Variants in RIOX1 observed in about 807,000 individuals in gnomAD.
RIOX1 encodes ribosomal oxygenase 1, also known as 60S ribosomal protein L8 histidine hydroxylase.
Under a neutral mutation model 44.6 loss-of-function variants are expected in RIOX1, and 33 were observed. The observed-to-expected ratio is 0.74, with a 90% CI of 0.56 to 0.99. The LOEUF is 0.99. RIOX1 is among the 50% of genes least tolerant of loss of function. RIOX1 has a pLI of 0.00. For missense variants in RIOX1, 821 were observed against 871.7 expected (o/e 0.94, Z 0.73); for synonymous variants, 387 against 395.8 (o/e 0.98, Z 0.26).
rs760921243 is a variant in RIOX1, at chr14:73,492,161, C to T, written c.1144C>T (p.Leu382Phe). The T allele has an allele frequency of 6.2e-7, 1 of 1,613,976 alleles. No individual in the cohort carries two copies. Among genetic ancestry groups the T allele is most frequent in the Non-Finnish European group, 8.5e-7 (1 of 1,179,890 alleles). The change falls in exon 1 of 1, where the codon CTC becomes TTC. Residue 382 changes from leucine (L) to phenylalanine (F), a missense_variant. Transcript: ENST00000304061. The surrounding 1 kb of genome is among the most constrained non-coding windows in gnomAD (Gnocchi z 4.9). ...TSSPNFSQDD[L>F]GEPVLQTVLE... ...CAGCCCCAACTTCAGTCAGGACGACCTCGGTGAGCCGGTGCTGCAGACCGT... is the reference window on the plus strand; with the variant it reads ...CAGCCCCAACTTCAGTCAGGACGACTTCGGTGAGCCGGTGCTGCAGACCGT...
Position 73,492,615 on chromosome 14 carries a change from G to C in RIOX1, c.1598G>C (p.Gly533Ala). ...VYGLPIRWEA[G>A]EPVNVGAQLT... ...GGGCTTCCAATTCGCTGGGAGGCTG[G>C]AGAACCTGTAAACGTGGGGGCCCAG... Residue 533 changes from glycine to alanine, a missense_variant, in exon 1 of 1, where the codon GGA (glycine) becomes GCA (alanine). Gly to Ala is a moderately conservative substitution (Grantham distance 60, BLOSUM62 0). This residue lies in a region of RIOX1 where 267 missense variants were observed against 340.5 expected (regional missense o/e 0.78). Transcript: ENST00000304061. The surrounding 1 kb of genome is among the most constrained non-coding windows in gnomAD (Gnocchi z 4.9). The C allele has an allele frequency of 6.2e-7, 1 of 1,613,938 alleles. No individual in the cohort carries two copies. Among genetic ancestry groups the C allele is most frequent in the Non-Finnish European group, 8.5e-7 (1 of 1,179,876 alleles).
chr14:73,492,999 C>CTA lies in RIOX1; in HGVS notation c.*57_*58insAT. The CTA allele has an allele frequency of 6.8e-7, 1 of 1,460,246 alleles. No homozygotes were observed. The highest frequency in any genetic ancestry group is 9.1e-7 in the Non-Finnish European group (1 of 1,093,628). 90.5% of individuals were successfully genotyped at this position (1,460,246 alleles called of 1,614,324 possible). On this transcript the variant is annotated 3_prime_UTR_variant, in exon 1 of 1. Transcript: ENST00000304061. The surrounding 1 kb of genome is among the most constrained non-coding windows in gnomAD (Gnocchi z 4.9). ...AGTGATTCTCCGCTGCCACTGCTAC[C>CTA]TTTTTTTTTTTTTTTTCCTTAAACT...
Position 73,491,803 on chromosome 14 carries a change from G to A in RIOX1, c.786G>A (p.Leu262=), listed in dbSNP as rs1885769890. The A allele has an allele frequency of 4.4e-6, 7 of 1,597,514 alleles. No individual in the cohort carries two copies. The East Asian group carries it at 1.4e-4, about 31-fold the overall frequency. ...AGGAGGTGCAGTTCGGCCAGCATTT[G>A]GACGCCGCTCGCTACATCAACGGAC... ...RNEEVQFGQH[L]DAARYINGRR... The change falls in exon 1 of 1, where the codon TTG becomes TTA. Residue 262 remains leucine, a synonymous_variant. Coordinates refer to ENST00000304061, the MANE Select transcript of RIOX1 (RefSeq NM_024644.5).
Position 73,491,764 on chromosome 14 carries a change from G to A in RIOX1, c.747G>A (p.Ser249=), listed in dbSNP as rs1885767324. The change falls in exon 1 of 1, where the codon TCG becomes TCA. Residue 249 remains serine (S), a synonymous_variant. Transcript: ENST00000304061. The part of the protein sequence containing the change: ...QGLFSTADLD[S]MLRNEEVQFG... ...TTTTCTCTACCGCTGACCTGGATTC[G>A]ATGCTGCGCAACGAGGAGGTGCAGT... The A allele has an allele frequency of 6.4e-7, 1 of 1,566,188 alleles. No homozygotes were observed. The highest frequency in any genetic ancestry group is 1.4e-5 in the African/African-American group (1 of 73,536).
Position 73,492,104 on chromosome 14 carries a change from C to G in RIOX1, c.1087C>G (p.Arg363Gly). Residue 363 changes from arginine to glycine, a missense_variant, in exon 1 of 1, where the codon CGA becomes GGA. Around this residue, in one of 2 missense-constraint regions of RIOX1, gnomAD observed 554 missense variants for 531.2 expected, o/e 1.04. Coordinates refer to ENST00000304061, the MANE Select transcript of RIOX1 (RefSeq NM_024644.5). The surrounding 1 kb of genome is among the most constrained non-coding windows in gnomAD (Gnocchi z 4.9). ...GRKLWRVYRP[R>G]VPTEELALTS... is the part of the protein sequence containing the mutation. ...GAAACTCTGGCGTGTATACCGACCC[C>G]GAGTCCCAACCGAGGAACTGGCTCT... 1 of 1,613,972 alleles carries G rather than the reference C, an allele frequency of 6.2e-7. No individual in the cohort carries two copies. The highest frequency in any genetic ancestry group is 1.7e-5 in the Admixed American group (1 of 60,014).
In RIOX1 at chr14:73,491,795, C is replaced by T; in HGVS notation, c.778C>T (p.Gln260Ter). ...MLRNEEVQFG[Q>*]HLDAARYING... ...GCGCAACGAGGAGGTGCAGTTCGGC[C>T]AGCATTTGGACGCCGCTCGCTACAT... Residue 260 changes from glutamine (Q) to a stop codon, truncating the protein, a stop_gained, in exon 1 of 1, where the codon CAG (glutamine) becomes TAG (stop). Coordinates refer to ENST00000304061, the MANE Select transcript of RIOX1 (RefSeq NM_024644.5). LOFTEE classifies it high-confidence loss of function. 6.3e-7 allele frequency: 1 copy of T among 1,591,848 alleles called. No individual in the cohort carries two copies. The highest frequency in any genetic ancestry group is 8.5e-7 in the Non-Finnish European group (1 of 1,170,032).
rs1225305984 is a variant in RIOX1 at position 73,491,416 on chromosome 14, G to A, written c.399G>A (p.Val133=). 11 of 1,348,712 alleles carry A rather than the reference G, an allele frequency of 8.2e-6. No homozygotes were observed. The highest frequency in any genetic ancestry group is 9.4e-6 in the Non-Finnish European group (10 of 1,059,024). The allele number at this position is 1,348,712 out of a possible 1,614,324, so 83.5% of individuals were successfully genotyped here. A position where few individuals can be genotyped will look rare whatever the true frequency, so the allele number is the denominator to read the frequency against. ...VPASAPPARL[V]EVPAAPVRVV... Reference sequence around the variant, plus strand: ...CTTCCGCGCCGCCCGCGCGCCTGGTGGAGGTGCCCGCCGCGCCGGTCCGGG... The same window carrying A: ...CTTCCGCGCCGCCCGCGCGCCTGGTAGAGGTGCCCGCCGCGCCGGTCCGGG... The change falls in exon 1 of 1, where the codon GTG becomes GTA. Residue 133 remains valine, a synonymous_variant. Transcript: ENST00000304061.
chr14:73,491,918 C>T lies in RIOX1; in HGVS notation c.901C>T (p.Pro301Ser). The change falls in exon 1 of 1, where the codon CCG becomes TCG. Residue 301 changes from proline to serine, a missense_variant. By Grantham distance (74) the Pro-to-Ser change is moderately conservative. This residue lies in a region of RIOX1 where 554 missense variants were observed against 531.2 expected (regional missense o/e 1.04). Coordinates refer to ENST00000304061, the MANE Select transcript of RIOX1 (RefSeq NM_024644.5). The part of the protein sequence containing the change: ...QAGCSLRLLC[P>S]QAFSTTVWQF... ...CGGCTGCTCCCTGCGTCTCCTCTGTCCGCAGGCTTTCTCTACTACTGTGTG... is the reference window on the plus strand; with the variant it reads ...CGGCTGCTCCCTGCGTCTCCTCTGTTCGCAGGCTTTCTCTACTACTGTGTG... The T allele has an allele frequency of 6.2e-7, 1 of 1,613,330 alleles. No homozygotes were observed. Among genetic ancestry groups the T allele is most frequent in the Non-Finnish European group, 8.5e-7 (1 of 1,179,674 alleles).
chr14:73,492,631 G>A lies in RIOX1; in HGVS notation c.1614G>A (p.Val538=), dbSNP rs535810576. 29 of 1,613,848 alleles carry A rather than the reference G, an allele frequency of 1.8e-5. No individual in the cohort carries two copies. Among genetic ancestry groups the A allele is most frequent in the Non-Finnish European group, 2.3e-5 (27 of 1,179,896 alleles). Residue 538 remains valine, a synonymous_variant, in exon 1 of 1, where the codon GTG becomes GTA. Transcript: ENST00000304061. This position sits in a 1 kb window ranked among gnomAD's most constrained non-coding sequence, Gnocchi z 4.9. Reference sequence around the variant, plus strand: ...GGGAGGCTGGAGAACCTGTAAACGTGGGGGCCCAGTTGACAACAGAAACAG... The same window carrying A: ...GGGAGGCTGGAGAACCTGTAAACGTAGGGGCCCAGTTGACAACAGAAACAG... ...IRWEAGEPVN[V]GAQLTTETEV... is the part of the protein sequence containing the mutation.
Position 73,492,247 on chromosome 14 carries a change from G to C in RIOX1, c.1230G>C (p.Gln410His). The change falls in exon 1 of 1, where the codon CAG becomes CAC. Residue 410 changes from glutamine (Q) to histidine (H), a missense_variant. Physicochemically the swap from Gln to His is conservative, Grantham distance 24. Coordinates refer to ENST00000304061, the MANE Select transcript of RIOX1 (RefSeq NM_024644.5). This position sits in a 1 kb window ranked among gnomAD's most constrained non-coding sequence, Gnocchi z 4.9. ...GCTTCATTCACCAAGCTGAATGCCA[G>C]GATGGAGTCCACTCTCTGCACCTCA... ...PRGFIHQAECQDGVHSLHLTL... is the reference protein window; with the variant it reads ...PRGFIHQAECHDGVHSLHLTL... 1.9e-6 allele frequency: 3 copies of C among 1,614,062 alleles called. No individual in the cohort carries two copies. The highest frequency in any genetic ancestry group is 2.5e-6 in the Non-Finnish European group (3 of 1,179,896).
rs1363565773 is a variant in RIOX1, at chr14:73,491,165, A to G, written c.148A>G (p.Met50Val). ...RKQLRSVVSR[M>V]AALRTQTLPS... is the part of the protein sequence containing the mutation. ...GCAGCTGCGAAGTGTTGTATCCCGC[A>G]TGGCAGCGCTGAGGACGCAGACGCT... The change falls in exon 1 of 1, where the codon ATG becomes GTG. Residue 50 changes from methionine to valine, a missense_variant. Physicochemically the swap from Met to Val is conservative, Grantham distance 21 (BLOSUM62 1). Around this residue, in one of 2 missense-constraint regions of RIOX1, gnomAD observed 554 missense variants for 531.2 expected, o/e 1.04. Transcript: ENST00000304061. The G allele has an allele frequency of 2.5e-6, 4 of 1,603,982 alleles. No homozygotes were observed. Among genetic ancestry groups the G allele is most frequent in the Non-Finnish European group, 3.4e-6 (4 of 1,175,402 alleles).
At position 73,492,022 on chromosome 14, in the gene RIOX1, G is replaced by A. The variant is rs374728003; in HGVS notation, c.1005G>A (p.Gln335=). The change falls in exon 1 of 1, where the codon CAG becomes CAA. Residue 335 remains glutamine (Q), a synonymous_variant. Coordinates refer to ENST00000304061, the MANE Select transcript of RIOX1 (RefSeq NM_024644.5). The surrounding 1 kb of genome is among the most constrained non-coding windows in gnomAD (Gnocchi z 4.9). ...SNVYLTPPNS[Q]GFAPHYDDIE... ...TTTACCTCACGCCCCCTAACTCGCA[G>A]GGCTTTGCCCCCCACTACGACGACA... The A allele has an allele frequency of 8.7e-6, 14 of 1,613,996 alleles. No individual in the cohort carries two copies. The African/African-American group carries it at 1.9e-4, about 22-fold the overall frequency.
rs562155926 is a variant in RIOX1, at chr14:73,491,343, C to T, written c.326C>T (p.Ser109Leu). The change falls in exon 1 of 1, where the codon TCG becomes TTG. Residue 109 changes from serine to leucine, a missense_variant. Coordinates refer to ENST00000304061, the MANE Select transcript of RIOX1 (RefSeq NM_024644.5). Reference sequence around the variant, plus strand: ...GGGCCCGCAGAGCTGCTGGAGGCCTCGCCCGCCGCGCGCTCCCTGCAGACC... The same window carrying T: ...GGGCCCGCAGAGCTGCTGGAGGCCTTGCCCGCCGCGCGCTCCCTGCAGACC... ...HLGPAELLEASPAARSLQTPS... is the reference protein window; with the variant it reads ...HLGPAELLEALPAARSLQTPS... The T allele has an allele frequency of 8.7e-4, 1,251 of 1,441,424 alleles. 2 individuals carry two copies. Among genetic ancestry groups the T allele is most frequent in the Middle Eastern group, 3.9e-3 (17 of 4,406 alleles). The allele number at this position is 1,441,424 out of a possible 1,614,324, so 89.3% of individuals were successfully genotyped here.
rs776243646 is a variant in RIOX1, at chr14:73,491,838, C to T, written c.821C>T (p.Thr274Ile). ...CGCTACATCAACGGACGACGCGAGA[C>T]CCTGAACCCACCCGGCCGCGCGCTG... ...AARYINGRRE[T>I]LNPPGRALPA... is the part of the protein sequence containing the mutation. Residue 274 changes from threonine (T) to isoleucine (I), a missense_variant, in exon 1 of 1, where the codon ACC becomes ATC. This residue lies in a region of RIOX1 where 554 missense variants were observed against 531.2 expected (regional missense o/e 1.04). Transcript: ENST00000304061. The T allele has an allele frequency of 1.9e-6, 3 of 1,609,022 alleles. No homozygotes were observed. In the South Asian group the frequency reaches 3.3e-5, roughly 18 times the overall value.
Position 73,492,518 on chromosome 14 carries a change from C to G in RIOX1, c.1501C>G (p.Arg501Gly). The G allele has an allele frequency of 6.2e-7, 1 of 1,613,424 alleles. No homozygotes were observed. The highest frequency in any genetic ancestry group is 8.5e-7 in the Non-Finnish European group (1 of 1,179,668). ...FAPVDAVADQ[R>G]AKDFIHDSLP... ...TCCTGTTGATGCTGTGGCCGACCAG[C>G]GAGCCAAAGACTTCATTCACGATTC... Residue 501 changes from arginine to glycine, a missense_variant, in exon 1 of 1, where the codon CGA (arginine) becomes GGA (glycine). This residue lies in a region of RIOX1 where 267 missense variants were observed against 340.5 expected (regional missense o/e 0.78). Transcript: ENST00000304061. The surrounding 1 kb of genome is among the most constrained non-coding windows in gnomAD (Gnocchi z 4.9).
chr14:73,492,647 A>G lies in RIOX1; in HGVS notation c.1630A>G (p.Thr544Ala), dbSNP rs556655407. Residue 544 changes from threonine (T) to alanine (A), a missense_variant, in exon 1 of 1, where the codon ACA (threonine) becomes GCA (alanine). Physicochemically the swap from Thr to Ala is moderately conservative, Grantham distance 58. Coordinates refer to ENST00000304061, the MANE Select transcript of RIOX1 (RefSeq NM_024644.5). This position sits in a 1 kb window ranked among gnomAD's most constrained non-coding sequence, Gnocchi z 4.9. ...TGTAAACGTGGGGGCCCAGTTGACA[A>G]CAGAAACAGAAGTCCATATGCTTCA... ...EPVNVGAQLT[T>A]ETEVHMLQDG... 215 of 1,614,014 alleles carry G rather than the reference A, an allele frequency of 1.3e-4. 2 individuals carry two copies. The South Asian group carries it at 1.4e-3, about 10-fold the overall frequency.
In RIOX1 at chr14:73,491,216, A is replaced by T; in HGVS notation, c.199A>T (p.Arg67Trp). Residue 67 changes from arginine (R) to tryptophan (W), a missense_variant, in exon 1 of 1, where the codon AGG (arginine) becomes TGG (tryptophan). Coordinates refer to ENST00000304061, the MANE Select transcript of RIOX1 (RefSeq NM_024644.5). The part of the protein sequence containing the change: ...TLPSENSEES[R>W]VESTADDLGD... ...GCCTAGCGAGAACTCGGAGGAATCG[A>T]GGGTGGAGTCGACGGCCGACGACCT... 1 of 1,590,526 alleles carries T rather than the reference A, an allele frequency of 6.3e-7. No homozygotes were observed. Among genetic ancestry groups the T allele is most frequent in the Non-Finnish European group, 8.6e-7 (1 of 1,166,502 alleles).
chr14:73,491,888 C>G lies in RIOX1; in HGVS notation c.871C>G (p.Gln291Glu). Residue 291 changes from glutamine (Q) to glutamate (E), a missense_variant, in exon 1 of 1, where the codon CAG becomes GAG. Gln to Glu is a conservative substitution (Grantham distance 29). Coordinates refer to ENST00000304061, the MANE Select transcript of RIOX1 (RefSeq NM_024644.5). ...ALPAAAWSLY[Q>E]AGCSLRLLCP... Reference sequence around the variant, plus strand: ...GCCCGCCGCCGCGTGGTCCCTGTACCAGGCCGGCTGCTCCCTGCGTCTCCT... The same window carrying G: ...GCCCGCCGCCGCGTGGTCCCTGTACGAGGCCGGCTGCTCCCTGCGTCTCCT... 1 of 1,611,820 alleles carries G rather than the reference C, an allele frequency of 6.2e-7. No individual in the cohort carries two copies. Among genetic ancestry groups the G allele is most frequent in the Non-Finnish European group, 8.5e-7 (1 of 1,179,204 alleles).
Position 73,491,350 on chromosome 14 carries a change from C to T in RIOX1, c.333C>T (p.Ala111=), listed in dbSNP as rs1248575941. 1.4e-6 allele frequency: 2 copies of T among 1,435,450 alleles called. No homozygotes were observed. The highest frequency in any genetic ancestry group is 1.4e-5 in the South Asian group (1 of 69,548). The allele number at this position is 1,435,450 out of a possible 1,614,324, so 88.9% of individuals were successfully genotyped here. A position where few individuals can be genotyped will look rare whatever the true frequency, so the allele number is the denominator to read the frequency against. ...CAGAGCTGCTGGAGGCCTCGCCCGC[C>T]GCGCGCTCCCTGCAGACCCCGTCGG... ...GPAELLEASP[A]ARSLQTPSAR... is the part of the protein sequence containing the mutation. Residue 111 remains alanine (A), a synonymous_variant, in exon 1 of 1, where the codon GCC becomes GCT. Coordinates refer to ENST00000304061, the MANE Select transcript of RIOX1 (RefSeq NM_024644.5).
Sources: allele counts gnomAD v4.1 joint callset, GRCh38; gene constraint gnomAD v4.1.1; regional missense constraint gnomAD v4.1.1; non-coding constraint Gnocchi (gnomAD v3.1); transcripts MANE v1.5; gene names NCBI Gene and HGNC (gene_info 2026-07-23, HGNC 2026-07-21).